TFEB: variants seen among roughly 807,000 people sequenced by gnomAD.
The protein encoded by TFEB is T-cell transcription factor EB.
Under a neutral mutation model 48.0 loss-of-function variants are expected in TFEB, and 12 were observed. The ratio of observed to expected loss-of-function variants is 0.25; its 90% CI spans 0.16 to 0.40. The LOEUF is 0.40. TFEB is among the 10% of genes least tolerant of loss of function. The pLI is 1.00. For missense variants in TFEB, 509 were observed against 640.3 expected, an observed-to-expected ratio of 0.79 and a Z score of 2.21; for synonymous variants, 244 against 261.4, an observed-to-expected ratio of 0.93 and a Z score of 0.64.
intron 1 of TFEB, among the ~76,000 whole-genome samples, chr6:41,703,109 GC>G (rs1289943704): frequency 1.3e-5 from 2 of 152,248 alleles, no homozygotes; most frequent in Non-Finnish European, 2.9e-5. Flanking sequence ...TTAGGATCCA[GC>G]CTTTGCTTTT....
chr6:41,717,415 TA>T (rs1437608783), intron 1 of TFEB, among the ~76,000 whole-genome samples: 2 of 152,180 alleles, frequency 1.3e-5, no homozygotes, highest in Non-Finnish European at 2.9e-5. Flanking sequence ...GATTGAAAAT[TA>T]GTAGAGCACG....
intron 1 of TFEB, among the ~76,000 whole-genome samples, chr6:41,726,183 C>A (rs1364215938): frequency 6.6e-6 from 1 of 152,146 alleles, no homozygotes; most frequent in Non-Finnish European, 1.5e-5. Flanking sequence ...GTGACTCTCA[C>A]AAATACACTG....
At chr6:41,725,621 C>A (rs546516760) in intron 1 of TFEB, among the ~76,000 whole-genome samples, 4 of 152,250 alleles carry the variant, frequency 2.6e-5, no homozygotes, top group Non-Finnish European at 4.4e-5. Context: ...TTACCCTGAT[C>A]TTTCAACCGT....
intron 1 of TFEB, among the ~76,000 whole-genome samples, chr6:41,692,166 T>C (rs1004579845): frequency 9.2e-5 from 14 of 152,222 alleles, no homozygotes; most frequent in African/African-American, 2.7e-4. Flanking sequence ...TTAAATACAA[T>C]GCATTTTTGC....
In TFEB at chr6:41,734,490, G is replaced by C; in HGVS notation, c.-23+860C>G. ...GACGCGCTGGGCCAGAGCTGGTCGG[G>C]ACAGCCCAGGGGTGGGCGGCACGGA... On this transcript the variant is annotated intron_variant, in intron 1 of 8. Coordinates refer to ENST00000373033, the MANE Select transcript of TFEB (RefSeq NM_001271944.2). The surrounding 1 kb of genome is among the most constrained non-coding windows in gnomAD (Gnocchi z 4.0). 1.9e-6 allele frequency: 1 copy of C among 523,810 alleles called. No homozygotes were observed. Among genetic ancestry groups the C allele is most frequent in the Non-Finnish European group, 2.4e-6 (1 of 411,672 alleles). 32.4% of individuals were successfully genotyped at this position (523,810 alleles called of 1,614,324 possible).
intron 1 of TFEB, among the ~76,000 whole-genome samples, chr6:41,702,491 T>C (rs1769987835): frequency 1.3e-5 from 2 of 152,122 alleles, no homozygotes; most frequent in African/African-American, 4.8e-5. Flanking sequence ...GAAAGGGGCC[T>C]GAGGGCGATA....
chr6:41,690,723 GCCAGCGGAGGAGGACAGCACGTGT>G lies in TFEB; in HGVS notation c.384_407del (p.His129_Gly136del), dbSNP rs768113714. 2 of 1,586,952 alleles carry G rather than the reference GCCAGCGGAGGAGGACAGCACGTGT, an allele frequency of 1.3e-6. No homozygotes were observed. The highest frequency in any genetic ancestry group is 2.3e-5 in the South Asian group (2 of 88,400). The stretch of plus-strand genomic sequence containing the variant: ...CCATGGGGCTATTGGGAGCACTGTT[GCCAGCGGAGGAGGACAGCACGTGT>G]CCAGCTCGCACCCCTGGGGAGGCGG... On this transcript the variant is annotated inframe_deletion, in exon 3 of 9. Transcript: ENST00000373033.
chr6:41,698,515 A>G (rs1581894238), intron 1 of TFEB, among the ~76,000 whole-genome samples: 1 of 152,334 alleles, frequency 6.6e-6, no homozygotes, highest in East Asian at 1.9e-4. Flanking sequence ...AATTTCCTGT[A>G]TTCCCAGAAA....
At position 41,727,321 on chromosome 6, in the gene TFEB, G is replaced by A. The variant is rs1004595671; in HGVS notation, c.-23+8029C>T. Among the ~76,000 whole-genome samples the A allele has an allele frequency of 3.9e-5, 6 of 152,212 alleles. No homozygotes were observed. The East Asian group carries it at 9.6e-4, about 24-fold the overall frequency. On this transcript the variant is annotated intron_variant, in intron 1 of 8. Coordinates refer to ENST00000373033, the MANE Select transcript of TFEB (RefSeq NM_001271944.2). ...AGAAGGGGAGACAAAGAGCAGGAGA[G>A]AGAGAGATAGTCCAAGGCTGCAGAT... is the stretch of plus-strand genomic sequence containing the variant.
At chr6:41,697,277 A>T (rs781391436) in intron 1 of TFEB, among the ~76,000 whole-genome samples, 1 of 151,838 alleles carries the variant, frequency 6.6e-6, no homozygotes, top group East Asian at 1.9e-4. Flanking sequence ...GTGTGGTGGC[A>T]CATGCCTGTA....
At chr6:41,707,759 A>G (rs1167399858) in intron 1 of TFEB, among the ~76,000 whole-genome samples, 2 of 152,146 alleles carry the variant, frequency 1.3e-5, no homozygotes, top group Non-Finnish European at 2.9e-5. Flanking sequence ...CACCGCACGA[A>G]ATTACTCCCC....
At position 41,689,770 on chromosome 6, in the gene TFEB, G is replaced by A; in HGVS notation, c.510C>T (p.Val170=). 1.2e-6 allele frequency: 2 copies of A among 1,614,110 alleles called. No individual in the cohort carries two copies. The highest frequency in any genetic ancestry group is 1.7e-6 in the Non-Finnish European group (2 of 1,179,994). Residue 170 remains valine (V), a synonymous_variant, in exon 4 of 9, where the codon GTC becomes GTT. Coordinates refer to ENST00000373033, the MANE Select transcript of TFEB (RefSeq NM_001271944.2). ...GCATTTCAGGATTGATGTAGCCAAGGACATCGTCCAGACGCATAATGTTGT... is the reference window on the plus strand; with the variant it reads ...GCATTTCAGGATTGATGTAGCCAAGAACATCGTCCAGACGCATAATGTTGT... The part of the protein sequence containing the change: ...VIDNIMRLDD[V]LGYINPEMQM...
At chr6:41,731,531 G>C (rs1217345019) in intron 1 of TFEB, among the ~76,000 whole-genome samples, 1 of 151,818 alleles carries the variant, frequency 6.6e-6, no homozygotes, top group African/African-American at 2.4e-5. Context: ...CTTTGGCAAA[G>C]ATTTGTAGAA....
Position 41,720,045 on chromosome 6 carries a change from A to G in TFEB, c.-23+15305T>C, listed in dbSNP as rs552901478. 4.1e-4 allele frequency among the ~76,000 whole-genome samples: 63 copies of G among 152,338 alleles called. 1 individual carries two copies. The highest frequency in any genetic ancestry group is 3.4e-3 in the Middle Eastern group (1 of 294). On this transcript the variant is annotated intron_variant, in intron 1 of 8. Transcript: ENST00000373033. This position sits in a 1 kb window ranked among gnomAD's most constrained non-coding sequence, Gnocchi z 4.1. The stretch of plus-strand genomic sequence containing the variant: ...GTGCCAATATATGTGACCTGTCATT[A>G]AACACCACATTCTACTGTGGGAGCT...
chr6:41,727,138 C>T (rs939328035), intron 1 of TFEB, among the ~76,000 whole-genome samples: 1 of 152,198 alleles, frequency 6.6e-6, no homozygotes, highest in Admixed American at 6.5e-5. Flanking sequence ...TGGGCACCTT[C>T]GCAGCCACCT....
At chr6:41,690,293 G>A (rs1769231287) in intron 3 of TFEB, among the ~76,000 whole-genome samples, 1 of 151,924 alleles carries the variant, frequency 6.6e-6, no homozygotes. Flanking sequence ...ACCACGCCCA[G>A]CTAATTTTTG....
chr6:41,690,001 C>T (rs73735932), intron 3 of TFEB, among the ~76,000 whole-genome samples, 190 bp from the exon 4 acceptor site: 165 of 152,292 alleles, frequency 1.1e-3, no homozygotes, highest in African/African-American at 3.8e-3. Context: ...CATGAAGCTA[C>T]GGTTCTTGCC....
intron 4 of TFEB, 177 bp from the exon 5 acceptor site, chr6:41,688,205 T>C (rs1769116803): frequency 1.5e-6 from 1 of 686,124 alleles, no homozygotes; most frequent in Non-Finnish European, 2.3e-6. Flanking sequence ...AGAGCTATTA[T>C]AAGATGTAGT....
chr6:41,714,096 C>CGT (rs1044529324), intron 1 of TFEB, among the ~76,000 whole-genome samples: 6 of 150,376 alleles, frequency 4.0e-5, no homozygotes, highest in Non-Finnish European at 8.9e-5. Flanking sequence ...CCTGTGTGTG[C>CGT]GTGTGTGTGT....
Sources: allele counts gnomAD v4.1 joint callset (sites outside exome capture counted in the v4.1 genomes callset), GRCh38; gene constraint gnomAD v4.1.1; non-coding constraint Gnocchi (gnomAD v3.1); transcripts MANE v1.5; gene names NCBI Gene and HGNC (gene_info 2026-07-23, HGNC 2026-07-21).